Variants in CAPZA1 observed in about 807,000 individuals in gnomAD.
CAPZA1 encodes capping actin protein of muscle Z-line subunit alpha 1, also known as F-actin-capping protein subunit alpha-1.
A neutral mutation model predicts 40.8 loss-of-function variants in CAPZA1; 10 were observed. That is an observed-to-expected ratio of 0.25 (90% confidence interval 0.15 to 0.42). The LOEUF (loss-of-function observed/expected upper bound fraction) is 0.42, where lower values mean the gene tolerates loss of function less well. Among genes scored for constraint, CAPZA1 ranks in the 10% least tolerant of loss-of-function variants. The pLI, the probability that CAPZA1 is intolerant of heterozygous loss-of-function variation, is 1.00. For synonymous variants in CAPZA1, 98 were observed against 115.0 expected, an observed-to-expected ratio of 0.85 and a Z score of 0.95; for missense variants, 277 against 353.8, an observed-to-expected ratio of 0.78 and a Z score of 1.74.
rs746041044 is a variant in CAPZA1, at chr1:112,628,370, GTC to G, written c.39+8494_39+8495del. ...TTGATTGATCAGGATACTAAACCAG[GTC>G]TCTCTCGGGGATAAACTCATTTTAG... On this transcript the variant is annotated intron_variant, in intron 1 of 9. Coordinates refer to ENST00000263168, the MANE Select transcript of CAPZA1 (RefSeq NM_006135.3). Among the ~76,000 whole-genome samples the G allele has an allele frequency of 1.1e-4, 16 of 152,192 alleles. No individual in the cohort carries two copies. The East Asian group carries it at 2.9e-3, about 27-fold the overall frequency.
At chr1:112,638,072 C>G (rs902574770) in intron 1 of CAPZA1, among the ~76,000 whole-genome samples, 5 of 151,990 alleles carry the variant, frequency 3.3e-5, no homozygotes, top group Non-Finnish European at 2.9e-5. Context: ...AGTAAAAGGG[C>G]TAGAATTGTG....
chr1:112,653,557 CT>C (rs372032414), intron 3 of CAPZA1, 40 bp from the exon 4 acceptor site: 31,121 of 801,416 alleles, frequency 0.039, 1 homozygote, highest in Non-Finnish European at 0.046. Flanking sequence ...CTCTCTCCCT[CT>C]TTTTTTTTTT....
intron 1 of CAPZA1, among the ~76,000 whole-genome samples, chr1:112,640,618 C>T (rs1671134710): frequency 1.3e-5 from 2 of 150,354 alleles, no homozygotes; most frequent in Admixed American, 1.3e-4. Flanking sequence ...GCCCCCCGCC[C>T]GGCCAGCCGC....
intron 3 of CAPZA1, 28 bp from the exon 4 acceptor site, chr1:112,653,570 T>C (rs1671439907): frequency 3.5e-6 from 5 of 1,424,646 alleles, no homozygotes; most frequent in Non-Finnish European, 4.8e-6. Flanking sequence ...TTTTTTTTTT[T>C]TTTTAAAAAA....
chr1:112,649,353 T>C, intron 2 of CAPZA1, 65 bp from the exon 3 acceptor site: 1 of 1,222,240 alleles, frequency 8.2e-7, no homozygotes, highest in Non-Finnish European at 1.2e-6. Flanking sequence ...AAATTCAATC[T>C]AGAAATCTGC....
chr1:112,670,370 T>TTTC lies in CAPZA1; in HGVS notation c.*240_*241insCTT. ...CGTGTAAATCTTTTTTTCTTTTTTT[T>TTTC]TTTTTTTTTTTGGTTAATTCTGCCA... On this transcript the variant is annotated 3_prime_UTR_variant, in exon 10 of 10. Transcript: ENST00000263168. The TTTC allele has an allele frequency of 2.4e-6, 1 of 415,894 alleles. No homozygotes were observed. The allele number at this position is 415,894 out of a possible 1,614,324, so 25.8% of individuals were successfully genotyped here.
Position 112,643,915 on chromosome 1 carries a change from G to C in CAPZA1, c.40-3295G>C, listed in dbSNP as rs556152269. 2.4e-4 allele frequency among the ~76,000 whole-genome samples: 37 copies of C among 151,510 alleles called. 1 individual carries two copies. Among genetic ancestry groups the C allele is most frequent in the Middle Eastern group, 3.4e-3 (1 of 294 alleles). On this transcript the variant is annotated intron_variant, in intron 1 of 9. Coordinates refer to ENST00000263168, the MANE Select transcript of CAPZA1 (RefSeq NM_006135.3). The stretch of plus-strand genomic sequence containing the variant: ...GCTGGATTGCAGTGGCGGGATCTCG[G>C]CTCACTGCAAACTCTGCCTCCTGGG...
At chr1:112,630,908 T>C (rs1206491310) in intron 1 of CAPZA1, among the ~76,000 whole-genome samples, 1 of 152,246 alleles carries the variant, frequency 6.6e-6, no homozygotes, top group Non-Finnish European at 1.5e-5. Flanking sequence ...ATTCGTCTTA[T>C]GTTGTTTGTA....
intron 1 of CAPZA1, among the ~76,000 whole-genome samples, chr1:112,629,294 A>G (rs1022831414): frequency 5.9e-5 from 9 of 152,196 alleles, no homozygotes; most frequent in African/African-American, 2.2e-4. Context: ...ACCAGAAGTC[A>G]TCTCCTTAGT....
intron 8 of CAPZA1, among the ~76,000 whole-genome samples, chr1:112,668,437 C>T (rs962592046): frequency 1.3e-5 from 2 of 152,150 alleles, no homozygotes; most frequent in African/African-American, 4.8e-5. Context: ...TCTGTGTCTT[C>T]ACAAATTGTG....
chr1:112,663,997 G>A (rs1349946227), intron 7 of CAPZA1, among the ~76,000 whole-genome samples: 1 of 151,974 alleles, frequency 6.6e-6, no homozygotes, highest in African/African-American at 2.4e-5. Flanking sequence ...ACTTTGGGAA[G>A]CCAAAGCAGG....
intron 6 of CAPZA1, 114 bp from the exon 7 acceptor site, chr1:112,659,578 CTCTCTCTCT>C: frequency 1.9e-6 from 1 of 528,050 alleles, no homozygotes; most frequent in Non-Finnish European, 3.1e-6. Context: ...GACAGTTTCT[CTCTCTCTCT>C]TTTTTTTTTT....
intron 2 of CAPZA1, 79 bp downstream of exon 2, chr1:112,647,352 G>A (rs1023294647): frequency 1.5e-5 from 11 of 746,452 alleles, no homozygotes; most frequent in African/African-American, 3.6e-5. Flanking sequence ...TAATTCTTAC[G>A]ACTTGTTGTA....
intron 1 of CAPZA1, 123 bp downstream of exon 1, chr1:112,620,006 C>A: frequency 2.7e-6 from 2 of 742,052 alleles, no homozygotes; most frequent in Non-Finnish European, 2.2e-6. Context: ...TGCTGACATA[C>A]GCTCTCCGCA....
intron 1 of CAPZA1, among the ~76,000 whole-genome samples, chr1:112,621,694 AT>A (rs1670670305): frequency 6.6e-6 from 1 of 151,606 alleles, no homozygotes; most frequent in Admixed American, 6.6e-5. Flanking sequence ...ATATTTTAAA[AT>A]GCCAATTAAG....
chr1:112,637,608 C>T (rs978036018), intron 1 of CAPZA1, among the ~76,000 whole-genome samples: 5 of 152,116 alleles, frequency 3.3e-5, no homozygotes, highest in African/African-American at 1.2e-4. Flanking sequence ...CCACCATGCC[C>T]GGCTAAATTT....
intron 3 of CAPZA1, among the ~76,000 whole-genome samples, chr1:112,652,693 GAA>G (rs575226421): frequency 6.9e-6 from 1 of 144,600 alleles, no homozygotes. Context: ...CTGACATGGG[GAA>G]AAAAAAAAAC....
In CAPZA1 at chr1:112,670,257, T is replaced by C. The variant is rs1296686455; in HGVS notation, c.*125T>C. The C allele has an allele frequency of 1.9e-6, 2 of 1,047,894 alleles. No homozygotes were observed. Among genetic ancestry groups the C allele is most frequent in the Non-Finnish European group, 2.8e-6 (2 of 712,588 alleles). 64.9% of individuals were successfully genotyped at this position (1,047,894 alleles called of 1,614,324 possible). A position where few individuals can be genotyped will look rare whatever the true frequency, so the allele number is the denominator to read the frequency against. ...GGGCTTTCAAAGTTAACCGGTTTTC[T>C]AGCCTCATGGAATACTGTTGAACCT... On this transcript the variant is annotated 3_prime_UTR_variant, in exon 10 of 10. Transcript: ENST00000263168.
chr1:112,668,869 TG>T (rs1249574650), intron 8 of CAPZA1, among the ~76,000 whole-genome samples: 1 of 152,010 alleles, frequency 6.6e-6, no homozygotes, highest in Non-Finnish European at 1.5e-5. Context: ...CATTACAGAG[TG>T]AAAGTGAAAC....
Sources: gnomAD v4.1 joint callset for allele counts (sites outside exome capture counted in the v4.1 genomes callset) on GRCh38, gnomAD v4.1.1 for gene constraint, MANE v1.5 for transcripts, NCBI Gene and HGNC (gene_info 2026-07-23, HGNC 2026-07-21) for gene names.